RASSF2: variants seen among roughly 807,000 people sequenced by gnomAD.
RASSF2 encodes the protein ras association domain-containing protein 2.
RASSF2 carries 34 observed loss-of-function variants against 46.3 expected under a neutral mutation model. The observed-to-expected ratio is 0.73, with a 90% CI of 0.56 to 0.98. The LOEUF (loss-of-function observed/expected upper bound fraction) is 0.98. RASSF2 is among the 50% of genes least tolerant of loss of function. RASSF2 has a pLI of 0.00. For missense variants in RASSF2, 364 were observed against 431.2 expected, an observed-to-expected ratio of 0.84 and a Z score of 1.38; for synonymous variants, 158 against 162.5, an observed-to-expected ratio of 0.97 and a Z score of 0.21.
chr20:4,819,993 G>C (rs1928586682), intron 2 of RASSF2, among the ~76,000 whole-genome samples: 1 of 152,150 alleles, frequency 6.6e-6, no homozygotes, highest in South Asian at 2.1e-4. Flanking sequence ...TGTGATGACA[G>C]ACTTTAGAGT....
intron 5 of RASSF2, chr20:4,793,117 G>GCTTTTTTAATGATACGGCGA: frequency 6.1e-6 from 1 of 164,188 alleles, no homozygotes; most frequent in South Asian, 1.4e-4. Flanking sequence ...TAATAAGTTG[G>GCTTTTTTAATGATACGGCGA]CCACAACAAG....
chr20:4,789,328 T>A (rs554663894), intron 8 of RASSF2, among the ~76,000 whole-genome samples: 35 of 152,286 alleles, frequency 2.3e-4, no homozygotes, highest in African/African-American at 7.7e-4. Flanking sequence ...GCAGGCTTGT[T>A]AGACGGCGTC....
chr20:4,823,141 A>G (rs968149914), intron 1 of RASSF2, among the ~76,000 whole-genome samples: 1 of 151,920 alleles, frequency 6.6e-6, no homozygotes, highest in Non-Finnish European at 1.5e-5. Flanking sequence ...AGAGGAGACA[A>G]GAGACAGGCG....
At chr20:4,820,754 A>G (rs1928637220) in intron 2 of RASSF2, among the ~76,000 whole-genome samples, 1 of 151,994 alleles carries the variant, frequency 6.6e-6, no homozygotes, top group South Asian at 2.1e-4. Context: ...CACTGCTGAG[A>G]CCTGCCCTGT....
intron 2 of RASSF2, among the ~76,000 whole-genome samples, chr20:4,814,061 C>G (rs951929029): frequency 6.6e-6 from 1 of 152,164 alleles, no homozygotes; most frequent in Admixed American, 6.5e-5. Flanking sequence ...ACAAGACACT[C>G]CCTGACCTGC....
At position 4,801,138 on chromosome 20, in the gene RASSF2, G is replaced by T; in HGVS notation, c.-32-76C>A. On this transcript the variant is annotated intron_variant, in intron 2 of 11. Transcript: ENST00000379400. ...AACTCAGCAGAACTTGGGGTGGGGA[G>T]GGGGCACAAAATTGGACGCCATGGC... The T allele has an allele frequency of 4.2e-6, 5 of 1,177,948 alleles. No individual in the cohort carries two copies. The South Asian group carries it at 6.3e-5, about 15-fold the overall frequency. 73.0% of individuals were successfully genotyped at this position (1,177,948 alleles called of 1,614,324 possible).
At chr20:4,814,938 C>T (rs1245090171) in intron 2 of RASSF2, among the ~76,000 whole-genome samples, 1 of 152,172 alleles carries the variant, frequency 6.6e-6, no homozygotes, top group South Asian at 2.1e-4. Flanking sequence ...CCACGTGGCC[C>T]GCAGAGGCGG....
chr20:4,783,795 C>T lies in RASSF2; in HGVS notation c.*478G>A, dbSNP rs1925041893. The T allele has an allele frequency of 6.4e-6, 1 of 155,630 alleles. No individual in the cohort carries two copies. Among genetic ancestry groups the T allele is most frequent in the Non-Finnish European group, 1.4e-5 (1 of 70,034 alleles). The allele number at this position is 155,630 out of a possible 1,614,324, so 9.6% of individuals were successfully genotyped here. A position where few individuals can be genotyped will look rare whatever the true frequency, so the allele number is the denominator to read the frequency against. On this transcript the variant is annotated 3_prime_UTR_variant, in exon 12 of 12. Transcript: ENST00000379400. ...ATGGTGAACCTGGAGAACCCTCTTC[C>T]CTCTCTAAACACAGACAGACGTGTG...
chr20:4,813,049 C>G (rs183288242), intron 2 of RASSF2, among the ~76,000 whole-genome samples: 2 of 152,162 alleles, frequency 1.3e-5, no homozygotes, highest in Admixed American at 1.3e-4. Flanking sequence ...CTTGCAGTCA[C>G]AGAGCCACTG....
chr20:4,786,777 G>A (rs1925384313), intron 10 of RASSF2, among the ~76,000 whole-genome samples: 1 of 152,144 alleles, frequency 6.6e-6, no homozygotes, highest in Admixed American at 6.5e-5. Context: ...GGGTGGCTAT[G>A]GGGTGAGTTA....
chr20:4,796,106 C>T (rs1361628187), intron 4 of RASSF2, 140 bp from the exon 5 acceptor site: 5 of 769,046 alleles, frequency 6.5e-6, no homozygotes, highest in Non-Finnish European at 9.2e-6. Flanking sequence ...GGGCAGCTGC[C>T]CAGTTCACAC....
chr20:4,792,632 G>A lies in RASSF2; in HGVS notation c.288-5C>T. ...GTCAGGGGCTTCAGAGTGGTTCTGG[G>A]AGTGGAGAAGACAAAGGGGAGGGGG... On this transcript the variant is annotated splice_polypyrimidine_tract_variant and splice_region_variant and intron_variant, in intron 5 of 11. Coordinates refer to ENST00000379400, the MANE Select transcript of RASSF2 (RefSeq NM_014737.3). 1 of 1,613,550 alleles carries A rather than the reference G, an allele frequency of 6.2e-7. No homozygotes were observed. The highest frequency in any genetic ancestry group is 8.5e-7 in the Non-Finnish European group (1 of 1,179,822).
chr20:4,819,154 G>T (rs1045062173), intron 2 of RASSF2, among the ~76,000 whole-genome samples: 1 of 152,024 alleles, frequency 6.6e-6, no homozygotes, highest in African/African-American at 2.4e-5. Flanking sequence ...GTAGAGACGG[G>T]GTTTCACCAT....
At chr20:4,816,448 G>A (rs2122684987) in intron 2 of RASSF2, among the ~76,000 whole-genome samples, 1 of 152,326 alleles carries the variant, frequency 6.6e-6, no homozygotes, top group African/African-American at 2.4e-5. Context: ...GCTACCAGGA[G>A]CTGGAAGGAG....
Position 4,795,409 on chromosome 20 carries a change from G to C in RASSF2, c.287+406C>G, listed in dbSNP as rs1297160704. ...GAAGGTTCAAGTCATAAATGCTTTG[G>C]AGTGGGGCTATTCTATGAGGAGTGG... On this transcript the variant is annotated intron_variant, in intron 5 of 11. Transcript: ENST00000379400. This position sits in a 1 kb window ranked among gnomAD's most constrained non-coding sequence, Gnocchi z 4.0. 1 of 159,754 alleles carries C rather than the reference G, an allele frequency of 6.3e-6. No homozygotes were observed. The highest frequency in any genetic ancestry group is 1.8e-4 in the East Asian group (1 of 5,526). The allele number at this position is 159,754 out of a possible 1,614,324, so 9.9% of individuals were successfully genotyped here.
At position 4,781,372 on chromosome 20, in the gene RASSF2, CA is replaced by C. The variant is rs1924809367; in HGVS notation, c.*2900del. 1 of 152,152 alleles carries C rather than the reference CA, an allele frequency of 6.6e-6. No individual in the cohort carries two copies. The highest frequency in any genetic ancestry group is 2.4e-5 in the African/African-American group (1 of 41,446). The allele number at this position is 152,152 out of a possible 1,614,324, so 9.4% of individuals were successfully genotyped here. On this transcript the variant is annotated 3_prime_UTR_variant, in exon 12 of 12. Coordinates refer to ENST00000379400, the MANE Select transcript of RASSF2 (RefSeq NM_014737.3). ...CTTGAAGCATCAGCATGTCTCAGAT[CA>C]AAATCTTGACCCGAGGCCTCAGCAT...
At chr20:4,822,695 C>A (rs1170956487) in intron 1 of RASSF2, among the ~76,000 whole-genome samples, 1 of 152,260 alleles carries the variant, frequency 6.6e-6, no homozygotes, top group Admixed American at 6.5e-5. Context: ...ACCTCAGGCA[C>A]CAGCTCCGAA....
chr20:4,822,781 G>A (rs16990245), intron 1 of RASSF2, among the ~76,000 whole-genome samples: 5,505 of 152,222 alleles, frequency 0.036, 211 homozygotes, highest in African/African-American at 0.087. Context: ...CCTCTGAAGC[G>A]CGCCGCCTCC....
At position 4,790,163 on chromosome 20, in the gene RASSF2, G is replaced by A. The variant is rs113851278; in HGVS notation, c.537+288C>T. On this transcript the variant is annotated intron_variant, in intron 7 of 11. Coordinates refer to ENST00000379400, the MANE Select transcript of RASSF2 (RefSeq NM_014737.3). This position sits in a 1 kb window ranked among gnomAD's most constrained non-coding sequence, Gnocchi z 4.3. ...TTCTTGGGAGAGACTGATGAGCTGC[G>A]TTTATGGGGTCTTCAAGGCTACAGC... Among the ~76,000 whole-genome samples, 14 of 152,166 alleles carry A rather than the reference G, an allele frequency of 9.2e-5. No homozygotes were observed. The highest frequency in any genetic ancestry group is 7.9e-4 in the Admixed American group (12 of 15,280).
Sources: allele counts gnomAD v4.1 joint callset (sites outside exome capture counted in the v4.1 genomes callset), GRCh38; gene constraint gnomAD v4.1.1; non-coding constraint Gnocchi (gnomAD v3.1); transcripts MANE v1.5; gene names NCBI Gene and HGNC (gene_info 2026-07-23, HGNC 2026-07-21).